The following CSRP2 variants were observed in gnomAD, a reference collection of about 807,000 sequenced individuals.
CSRP2 encodes the protein cysteine and glycine rich protein 2, also known as cysteine and glycine-rich protein 2.
CSRP2 carries 18 observed loss-of-function variants against 24.6 expected under a neutral mutation model. The ratio of observed to expected loss-of-function variants is 0.73; its 90% CI spans 0.51 to 1.09. The LOEUF is 1.09. Ranked by LOEUF, CSRP2 falls within the 50% of genes least tolerant of loss-of-function variation. The probability of loss-of-function intolerance (pLI) is 0.00; values close to 1 mark genes in which losing one functional copy is unlikely to be tolerated. For missense variants in CSRP2, 215 were observed against 239.4 expected (o/e 0.90, Z 0.67); for synonymous variants, 87 against 84.3 (o/e 1.03, Z -0.18).
chr12:76,869,731 C>A (rs571395025), intron 1 of CSRP2, among the ~76,000 whole-genome samples: 4 of 152,270 alleles, frequency 2.6e-5, no homozygotes, highest in Middle Eastern at 3.4e-3. Flanking sequence ...CAGTATCTTG[C>A]GACAATAGGA....
At chr12:76,868,284 G>A (rs968706412) in intron 1 of CSRP2, among the ~76,000 whole-genome samples, 3 of 152,172 alleles carry the variant, frequency 2.0e-5, no homozygotes, top group Non-Finnish European at 2.9e-5. Context: ...TGGTTTGGCT[G>A]TGTCCCCACC....
At chr12:76,869,653 C>G (rs1364688494) in intron 1 of CSRP2, among the ~76,000 whole-genome samples, 5 of 151,956 alleles carry the variant, frequency 3.3e-5, no homozygotes, top group Non-Finnish European at 5.9e-5. Flanking sequence ...CTTAACCAGA[C>G]AGGAACAAAG....
intron 1 of CSRP2, chr12:76,878,108 G>C (rs945972012): frequency 4.6e-5 from 7 of 151,272 alleles, no homozygotes; most frequent in African/African-American, 1.7e-4. Context: ...TCCTGGCTTA[G>C]AAGGGGGAAA....
chr12:76,861,344 C>A (rs1183537632), intron 3 of CSRP2: 1 of 120,572 alleles, frequency 8.3e-6, no homozygotes, highest in African/African-American at 3.1e-5. Flanking sequence ...TAGCAAGACC[C>A]TGTCTATATA....
chr12:76,876,547 CGTCATTTTGAGAAG>C (rs1953852992), intron 1 of CSRP2, among the ~76,000 whole-genome samples: 1 of 152,112 alleles, frequency 6.6e-6, no homozygotes, highest in South Asian at 2.1e-4. Flanking sequence ...CTTTATGTTA[CGTCATTTTGAGAAG>C]GGGTCTGGAG....
At chr12:76,859,107 A>AC (rs1565818829) in intron 5 of CSRP2, 79 bp from the exon 6 acceptor site, 3 of 1,153,454 alleles carry the variant, frequency 2.6e-6, no homozygotes, top group Non-Finnish European at 3.9e-6. Flanking sequence ...CACTCAACAA[A>AC]CCCCCATAAA....
At chr12:76,876,409 T>C (rs1238200321) in intron 1 of CSRP2, among the ~76,000 whole-genome samples, 1 of 151,944 alleles carries the variant, frequency 6.6e-6, no homozygotes, top group Non-Finnish European at 1.5e-5. Context: ...GGAAAAAATA[T>C]AAAAAAAAGA....
intron 3 of CSRP2, chr12:76,862,828 C>G: frequency 6.6e-7 from 1 of 1,509,262 alleles, no homozygotes; most frequent in Admixed American, 2.3e-5. Context: ...TGAGAAACAC[C>G]TCTCATGATT....
intron 1 of CSRP2, 109 bp from the exon 2 acceptor site, chr12:76,866,370 C>T: frequency 2.9e-6 from 2 of 686,284 alleles, no homozygotes; most frequent in South Asian, 1.9e-5. Context: ...TTATGAACCT[C>T]TCTAACCACA....
intron 1 of CSRP2, among the ~76,000 whole-genome samples, chr12:76,866,642 A>AT (rs566336578): frequency 6.6e-6 from 1 of 152,102 alleles, no homozygotes; most frequent in South Asian, 2.1e-4. Context: ...TAATAAACAT[A>AT]TTTTTTTGAA....
At chr12:76,874,709 G>A (rs951162115) in intron 1 of CSRP2, among the ~76,000 whole-genome samples, 1 of 152,192 alleles carries the variant, frequency 6.6e-6, no homozygotes. Context: ...TGAGTGGAGG[G>A]TAAGCGAGCA....
In CSRP2 at chr12:76,878,987, G is replaced by C. The variant is rs928667314; in HGVS notation, c.-51C>G. Reference sequence around the variant, plus strand: ...CCGCAGGCGGAGCTAGCGAGGCTGGGCTGGAGGGAGGGTCCAGGGAGTCCG... The same window carrying C: ...CCGCAGGCGGAGCTAGCGAGGCTGGCCTGGAGGGAGGGTCCAGGGAGTCCG... On this transcript the variant is annotated 5_prime_UTR_variant, in exon 1 of 6. Transcript: ENST00000311083. The C allele has an allele frequency of 6.6e-6, 1 of 152,336 alleles. No homozygotes were observed. The highest frequency in any genetic ancestry group is 1.5e-5 in the Non-Finnish European group (1 of 68,154). The allele number at this position is 152,336 out of a possible 1,614,324, so 9.4% of individuals were successfully genotyped here. A position where few individuals can be genotyped will look rare whatever the true frequency, so the allele number is the denominator to read the frequency against.
intron 3 of CSRP2, chr12:76,862,772 T>C (rs1306982168): frequency 2.2e-6 from 3 of 1,390,118 alleles, no homozygotes; most frequent in African/African-American, 1.5e-5. Flanking sequence ...AATGTTTACA[T>C]AGAAGGAGTG....
At chr12:76,871,616 T>C (rs1953799395) in intron 1 of CSRP2, among the ~76,000 whole-genome samples, 1 of 152,012 alleles carries the variant, frequency 6.6e-6, no homozygotes, top group African/African-American at 2.4e-5. Context: ...TAAAAATACT[T>C]AGCCGGGCGC....
At chr12:76,859,096 C>T (rs12368937) in intron 5 of CSRP2, 68 bp from the exon 6 acceptor site, 19,672 of 1,291,132 alleles carry the variant, frequency 0.015, 187 homozygotes, top group Non-Finnish European at 0.019. Context: ...TGCTTAAGAC[C>T]CACTCAACAA....
At chr12:76,866,087 A>G (rs1247276577) in intron 2 of CSRP2, 62 bp downstream of exon 2, 3 of 1,251,386 alleles carry the variant, frequency 2.4e-6, no homozygotes, top group Middle Eastern at 2.1e-4. Flanking sequence ...TTCCTTAAAT[A>G]GACATATTGA....
chr12:76,872,536 G>T (rs1953810456), intron 1 of CSRP2, among the ~76,000 whole-genome samples: 2 of 152,314 alleles, frequency 1.3e-5, no homozygotes, highest in East Asian at 1.9e-4. Context: ...CCTGGTGACA[G>T]GGCAGCCTCC....
At position 76,863,220 on chromosome 12, in the gene CSRP2, C is replaced by T. The variant is rs147265606; in HGVS notation, c.237G>A (p.Thr79=). The change falls in exon 3 of 6, where the codon ACG becomes ACA. Residue 79 remains threonine, a synonymous_variant. Coordinates refer to ENST00000311083, the MANE Select transcript of CSRP2 (RefSeq NM_001321.3). ...GCCTCTCGCCACGGTCCATGTTAAG[C>T]GTGCCAGCGCCCTGGCCATAACCGT... is the stretch of plus-strand genomic sequence containing the variant. ...KGYGYGQGAG[T]LNMDRGERLG... The T allele has an allele frequency of 5.4e-5, 87 of 1,614,178 alleles. No individual in the cohort carries two copies. The East Asian group carries it at 1.5e-3, about 28-fold the overall frequency.
chr12:76,878,653 CA>C (rs1469855486), intron 1 of CSRP2, among the ~76,000 whole-genome samples: 1 of 152,256 alleles, frequency 6.6e-6, no homozygotes, highest in Non-Finnish European at 1.5e-5. Context: ...AATTAAAGGT[CA>C]TATAAGATTA....
Sources: gnomAD v4.1 joint callset for allele counts (sites outside exome capture counted in the v4.1 genomes callset) on GRCh38, gnomAD v4.1.1 for gene constraint, MANE v1.5 for transcripts, NCBI Gene and HGNC (gene_info 2026-07-23, HGNC 2026-07-21) for gene names.